CTNNA3: variants seen among roughly 807,000 people sequenced by gnomAD.
CTNNA3 encodes the protein catenin alpha-3.
CTNNA3 carries 76 observed loss-of-function variants against 95.7 expected under a neutral mutation model. That is an observed-to-expected ratio of 0.79 (90% confidence interval 0.66 to 0.96). The LOEUF (loss-of-function observed/expected upper bound fraction) is 0.96. Among genes scored for constraint, CTNNA3 ranks in the 40% least tolerant of loss-of-function variants. The probability of loss-of-function intolerance (pLI) is 0.00; values close to 1 mark genes in which losing one functional copy is unlikely to be tolerated. For missense variants in CTNNA3, 1,191 were observed against 1,089.8 expected (o/e 1.09, Z -1.31); for synonymous variants, 431 against 374.4 (o/e 1.15, Z -1.74).
chr10:66,070,806 G>A (rs1455361198), intron 14 of CTNNA3, among the ~76,000 whole-genome samples: 1 of 152,090 alleles, frequency 6.6e-6, no homozygotes, highest in Non-Finnish European at 1.5e-5. Flanking sequence ...ATAAGATTGC[G>A]ACTGACCCTG....
chr10:66,261,061 G>A (rs927655037), intron 13 of CTNNA3, among the ~76,000 whole-genome samples: 1 of 152,022 alleles, frequency 6.6e-6, no homozygotes, highest in African/African-American at 2.4e-5. Flanking sequence ...TTCCTCAAGG[G>A]TTGCTTTAAG....
chr10:66,041,946 T>A (rs2079698648), intron 15 of CTNNA3, among the ~76,000 whole-genome samples: 1 of 152,234 alleles, frequency 6.6e-6, no homozygotes, highest in Non-Finnish European at 1.5e-5. Context: ...ATGTCACGCT[T>A]CTCAGCATAA....
chr10:67,484,896 G>A (rs1351212077), intron 5 of CTNNA3, among the ~76,000 whole-genome samples: 1 of 152,332 alleles, frequency 6.6e-6, no homozygotes, highest in East Asian at 1.9e-4. Flanking sequence ...AACCCCTGTG[G>A]AAAGGAGTTT....
intron 17 of CTNNA3, among the ~76,000 whole-genome samples, chr10:65,935,712 G>A (rs2077326913): frequency 6.6e-6 from 1 of 152,058 alleles, no homozygotes. Context: ...AAGTGTGTGT[G>A]TGTAATTTTT....
intron 12 of CTNNA3, among the ~76,000 whole-genome samples, chr10:66,350,250 A>G (rs2092556619): frequency 6.6e-6 from 1 of 152,236 alleles, no homozygotes. Flanking sequence ...ACATAAGACT[A>G]TACATGGAAG....
chr10:66,531,514 C>G (rs1011437215), intron 10 of CTNNA3, among the ~76,000 whole-genome samples: 3 of 152,104 alleles, frequency 2.0e-5, no homozygotes, highest in African/African-American at 7.2e-5. Context: ...ATGACAGGCA[C>G]TTGCCACCAT....
At chr10:67,085,260 T>C (rs1857239533) in intron 7 of CTNNA3, among the ~76,000 whole-genome samples, 1 of 151,916 alleles carries the variant, frequency 6.6e-6, no homozygotes, top group African/African-American at 2.4e-5. Flanking sequence ...ATGTGGCTGA[T>C]CACATAATAG....
chr10:65,979,107 C>T (rs1007668246), intron 16 of CTNNA3, among the ~76,000 whole-genome samples: 4 of 152,050 alleles, frequency 2.6e-5, no homozygotes, highest in Non-Finnish European at 4.4e-5. Context: ...CTGTTAAAAT[C>T]CTGTCATATT....
intron 15 of CTNNA3, among the ~76,000 whole-genome samples, chr10:66,044,626 C>T (rs917886748): frequency 1.3e-5 from 2 of 152,208 alleles, no homozygotes; most frequent in Admixed American, 1.3e-4. Context: ...CTGTCATCAG[C>T]TGTTGACTAT....
At chr10:67,701,686 G>T (rs1185583632) in intron 1 of CTNNA3, among the ~76,000 whole-genome samples, 3 of 152,150 alleles carry the variant, frequency 2.0e-5, no homozygotes, top group Non-Finnish European at 4.4e-5. Context: ...AAACTGTAAA[G>T]ACCATCGAGG....
At chr10:67,633,642 A>G (rs186675918) in intron 2 of CTNNA3, among the ~76,000 whole-genome samples, 216 of 152,316 alleles carry the variant, frequency 1.4e-3, no homozygotes, top group African/African-American at 5.0e-3. Flanking sequence ...GCAGCCCAAC[A>G]GAAGAGTGAC....
chr10:67,559,438 T>G (rs1182731613), intron 3 of CTNNA3, among the ~76,000 whole-genome samples: 3 of 152,102 alleles, frequency 2.0e-5, no homozygotes, highest in African/African-American at 7.2e-5. Flanking sequence ...TCCTGTCTGT[T>G]AGAAGGAAAA....
At chr10:67,718,632 G>A (rs576109073) in intron 1 of CTNNA3, among the ~76,000 whole-genome samples, 15 of 152,222 alleles carry the variant, frequency 9.9e-5, no homozygotes, top group Admixed American at 5.9e-4. Flanking sequence ...TATGTTGAAC[G>A]AGCCTTGCAT....
intron 1 of CTNNA3, among the ~76,000 whole-genome samples, chr10:67,663,320 C>A (rs926628968): frequency 6.8e-6 from 1 of 146,110 alleles, no homozygotes; most frequent in Non-Finnish European, 1.5e-5. Context: ...AAAAAAATTT[C>A]TTTTTATTTT....
chr10:67,674,536 T>C (rs1215880733), intron 1 of CTNNA3, among the ~76,000 whole-genome samples: 1 of 152,046 alleles, frequency 6.6e-6, no homozygotes, highest in Non-Finnish European at 1.5e-5. Flanking sequence ...GTCAAATTGG[T>C]CTCCAAAAAA....
At chr10:66,581,997 T>C (rs1303422371) in intron 10 of CTNNA3, among the ~76,000 whole-genome samples, 1 of 151,632 alleles carries the variant, frequency 6.6e-6, no homozygotes, top group African/African-American at 2.4e-5. Context: ...CTCTATTATA[T>C]TCCATTGATC....
intron 9 of CTNNA3, among the ~76,000 whole-genome samples, chr10:66,629,604 T>G (rs545893016): frequency 6.6e-6 from 1 of 152,236 alleles, no homozygotes; most frequent in South Asian, 2.1e-4. Context: ...CCAACAAATT[T>G]TTTCAGATGC....
chr10:66,664,306 A>G lies in CTNNA3; in HGVS notation c.1282-42522T>C, dbSNP rs117494696. ...CAAATAGTTTTTTTAAAAAGTGTCA[A>G]TCAGATTTATAGCACTAACTAAGTC... On this transcript the variant is annotated intron_variant, in intron 9 of 17. Transcript: ENST00000433211. Among the ~76,000 whole-genome samples, 918 of 152,242 alleles carry G rather than the reference A, an allele frequency of 6.0e-3. 2 individuals are homozygous for G. The highest frequency in any genetic ancestry group is 0.011 in the Non-Finnish European group (733 of 68,020).
chr10:67,335,572 T>C (rs1841966853), intron 5 of CTNNA3, among the ~76,000 whole-genome samples: 1 of 152,186 alleles, frequency 6.6e-6, no homozygotes, highest in Non-Finnish European at 1.5e-5. Flanking sequence ...AAAACTTGGG[T>C]AAATAATTAT....
Sources: allele counts gnomAD v4.1 joint callset (sites outside exome capture counted in the v4.1 genomes callset), GRCh38; gene constraint gnomAD v4.1.1; transcripts MANE v1.5; gene names NCBI Gene and HGNC (gene_info 2026-07-23, HGNC 2026-07-21).